The following SHCBP1L variants were observed in gnomAD, a reference collection of about 807,000 sequenced individuals.
SHCBP1L encodes the protein testicular spindle-associated protein SHCBP1L.
SHCBP1L carries 67 observed loss-of-function variants against 62.5 expected under a neutral mutation model. The observed-to-expected ratio is 1.07, with a 90% CI of 0.88 to 1.31. The LOEUF (loss-of-function observed/expected upper bound fraction) is 1.31, where lower values mean the gene tolerates loss of function less well. Ranked by LOEUF, SHCBP1L falls within the 40% of genes most tolerant of loss-of-function variation. The pLI is 0.00. For missense variants in SHCBP1L, 823 were observed against 809.8 expected (o/e 1.02, Z -0.20); for synonymous variants, 284 against 289.4 (o/e 0.98, Z 0.19).
chr1:182,939,877 A>G (rs1329256991), intron 3 of SHCBP1L, among the ~76,000 whole-genome samples: 1 of 152,164 alleles, frequency 6.6e-6, no homozygotes, highest in African/African-American at 2.4e-5. Flanking sequence ...TAGAAAAACA[A>G]AAACATGCCA....
intron 6 of SHCBP1L, among the ~76,000 whole-genome samples, chr1:182,929,194 CA>C (rs1214726251): frequency 1.3e-5 from 2 of 152,132 alleles, no homozygotes; most frequent in Non-Finnish European, 2.9e-5. Flanking sequence ...TTCTTCTATT[CA>C]GCATTTCCAG....
chr1:182,927,050 C>CTATATATA (rs58308065), intron 6 of SHCBP1L, among the ~76,000 whole-genome samples: 5 of 90,596 alleles, frequency 5.5e-5, no homozygotes, highest in African/African-American at 1.2e-4. Flanking sequence ...TTAACTAGCA[C>CTATATATA]TATATATATA....
chr1:182,905,788 A>G, intron 6 of SHCBP1L, 139 bp from the exon 7 acceptor site: 2 of 743,096 alleles, frequency 2.7e-6, no homozygotes, highest in Admixed American at 3.0e-5. Flanking sequence ...AAATGCTCAA[A>G]GTATCAGTTC....
rs1649768263 is a variant in SHCBP1L, at chr1:182,899,873, A to T, written c.*110T>A. 12 of 904,712 alleles carry T rather than the reference A, an allele frequency of 1.3e-5. No homozygotes were observed. Among genetic ancestry groups the T allele is most frequent in the Non-Finnish European group, 1.9e-5 (12 of 628,212 alleles). The allele number at this position is 904,712 out of a possible 1,614,324, so 56.0% of individuals were successfully genotyped here. On this transcript the variant is annotated 3_prime_UTR_variant, in exon 10 of 10. Transcript: ENST00000367547. ...ATCATTCAGTGAAAGCATGATATTT[A>T]AATATTTTTTAATTAAGCTTTGAAT...
Position 182,952,817 on chromosome 1 carries a change from A to AGGGGCT in SHCBP1L, c.311_316dup (p.Gln104_Pro105dup). ...CATACGGGACACGCAGACTGGGGGC[A>AGGGGCT]GGGGCTGCGCCTCCTCTTCATCCTC... On this transcript the variant is annotated inframe_insertion, in exon 1 of 10. Coordinates refer to ENST00000367547, the MANE Select transcript of SHCBP1L (RefSeq NM_030933.4). The AGGGGCT allele has an allele frequency of 6.2e-7, 1 of 1,612,530 alleles. No individual in the cohort carries two copies. The highest frequency in any genetic ancestry group is 8.5e-7 in the Non-Finnish European group (1 of 1,179,518).
At chr1:182,925,560 A>G (rs1650719063) in intron 6 of SHCBP1L, among the ~76,000 whole-genome samples, 1 of 152,170 alleles carries the variant, frequency 6.6e-6, no homozygotes, top group South Asian at 2.1e-4. Flanking sequence ...AAATAATAAA[A>G]AAAGATAAAA....
Position 182,951,309 on chromosome 1 carries a change from T to C in SHCBP1L, c.555+9A>G. On this transcript the variant is annotated intron_variant, in intron 2 of 9. Coordinates refer to ENST00000367547, the MANE Select transcript of SHCBP1L (RefSeq NM_030933.4). Reference sequence around the variant, plus strand: ...CAAAAAGAACAAAGATCAAATAAAATTTATTTACCTCAACCAATATACCAA... The same window carrying C: ...CAAAAAGAACAAAGATCAAATAAAACTTATTTACCTCAACCAATATACCAA... 1 of 1,524,230 alleles carries C rather than the reference T, an allele frequency of 6.6e-7. No homozygotes were observed. Among genetic ancestry groups the C allele is most frequent in the Non-Finnish European group, 8.8e-7 (1 of 1,135,544 alleles). 94.4% of individuals were successfully genotyped at this position (1,524,230 alleles called of 1,614,324 possible).
At chr1:182,950,932 T>C (rs1396126385) in intron 2 of SHCBP1L, among the ~76,000 whole-genome samples, 2 of 151,974 alleles carry the variant, frequency 1.3e-5, no homozygotes, top group Admixed American at 1.3e-4. Flanking sequence ...TTCTGATCCA[T>C]TTCTTTTTTT....
At chr1:182,926,881 C>T (rs1287814519) in intron 6 of SHCBP1L, among the ~76,000 whole-genome samples, 1 of 151,708 alleles carries the variant, frequency 6.6e-6, no homozygotes, top group East Asian at 1.9e-4. Context: ...CTCATTTAAT[C>T]TTTACAGCAA....
rs911926186 is a variant in SHCBP1L at position 182,904,761 on chromosome 1, TTTTTC to T, written c.1337-336_1337-332del. 5.7e-5 allele frequency among the ~76,000 whole-genome samples: 5 copies of T among 87,424 alleles called. No homozygotes were observed. In the African/African-American group the frequency reaches 5.9e-4, roughly 10 times the overall value. 57.4% of individuals were successfully genotyped at this position (87,424 alleles called of 152,430 possible). ...GTACATACATAACTATAGTGTAATC[TTTTTC>T]TTTTTTTTTGAGACAGTCTTGCTCT... On this transcript the variant is annotated intron_variant, in intron 7 of 9. Transcript: ENST00000367547.
chr1:182,901,976 G>T (rs534904705), intron 9 of SHCBP1L, among the ~76,000 whole-genome samples: 54 of 150,678 alleles, frequency 3.6e-4, no homozygotes, highest in African/African-American at 1.3e-3. Flanking sequence ...TTTAAGAACA[G>T]AAAAAATGTT....
chr1:182,946,501 G>A (rs148757727), intron 2 of SHCBP1L, among the ~76,000 whole-genome samples: 1 of 151,986 alleles, frequency 6.6e-6, no homozygotes, highest in East Asian at 1.9e-4. Flanking sequence ...AAGCAGAGTT[G>A]GAAGGTAGAA....
At chr1:182,944,784 C>T (rs116260852) in intron 2 of SHCBP1L, among the ~76,000 whole-genome samples, 1,773 of 152,120 alleles carry the variant, frequency 0.012, 31 homozygotes, top group African/African-American at 0.04. Flanking sequence ...GCCTTTCATT[C>T]ACCAATATGG....
At chr1:182,943,902 C>A (rs1178929317) in intron 2 of SHCBP1L, among the ~76,000 whole-genome samples, 3 of 151,690 alleles carry the variant, frequency 2.0e-5, no homozygotes, top group African/African-American at 7.3e-5. Flanking sequence ...GGTGGATCAC[C>A]TGATGTCAGG....
chr1:182,912,082 C>G (rs1168816495), intron 6 of SHCBP1L, among the ~76,000 whole-genome samples: 1 of 152,214 alleles, frequency 6.6e-6, no homozygotes, highest in Non-Finnish European at 1.5e-5. Flanking sequence ...TCTCCTTTCA[C>G]CTGCCCCAGG....
intron 6 of SHCBP1L, among the ~76,000 whole-genome samples, chr1:182,929,235 T>C (rs1017683337): frequency 6.6e-6 from 1 of 152,336 alleles, no homozygotes; most frequent in Non-Finnish European, 1.5e-5. Flanking sequence ...GTACCCATTC[T>C]ACATGTACCG....
rs552541653 is a variant in SHCBP1L at position 182,911,727 on chromosome 1, G to C, written c.1183-6078C>G. Among the ~76,000 whole-genome samples the C allele has an allele frequency of 2.0e-4, 31 of 152,278 alleles. 1 individual carries two copies. Among genetic ancestry groups the C allele is most frequent in the Non-Finnish European group, 4.3e-4 (29 of 68,018 alleles). The stretch of plus-strand genomic sequence containing the variant: ...GATAGCTGAAGTGAAAAATTCACTA[G>C]AGGGGTTCAACAGCAGATTTGAGCA... On this transcript the variant is annotated intron_variant, in intron 6 of 9. Coordinates refer to ENST00000367547, the MANE Select transcript of SHCBP1L (RefSeq NM_030933.4).
intron 6 of SHCBP1L, among the ~76,000 whole-genome samples, chr1:182,928,399 A>G (rs1380684901): frequency 6.6e-6 from 1 of 152,202 alleles, no homozygotes; most frequent in African/African-American, 2.4e-5. Flanking sequence ...AAATAGCCAC[A>G]AAAGTGTTAA....
In SHCBP1L at chr1:182,939,383, A is replaced by T. The variant is rs375221361; in HGVS notation, c.869T>A (p.Ile290Lys). The T allele has an allele frequency of 6.2e-7, 1 of 1,612,812 alleles. No homozygotes were observed. Among genetic ancestry groups the T allele is most frequent in the African/African-American group, 1.3e-5 (1 of 74,820 alleles). The change falls in exon 5 of 10, where the codon ATA becomes AAA. Residue 290 changes from isoleucine (I) to lysine (K), a missense_variant. Ile to Lys is a moderately radical substitution (Grantham distance 102). Coordinates refer to ENST00000367547, the MANE Select transcript of SHCBP1L (RefSeq NM_030933.4). ...IEERINLWCD[I>K]QDGTIPGPIA... Reference sequence around the variant, plus strand: ...AGGACCAGGTATTGTTCCATCCTGTATATCACACCACCTGAAAATTATCAA... The same window carrying T: ...AGGACCAGGTATTGTTCCATCCTGTTTATCACACCACCTGAAAATTATCAA...
Sources: allele counts gnomAD v4.1 joint callset (sites outside exome capture counted in the v4.1 genomes callset), GRCh38; gene constraint gnomAD v4.1.1; transcripts MANE v1.5; gene names NCBI Gene and HGNC (gene_info 2026-07-23, HGNC 2026-07-21).